The following ZGPAT variants were observed in gnomAD, a reference collection of about 807,000 sequenced individuals.
ZGPAT encodes the protein zinc finger CCCH-type with G patch domain-containing protein.
A neutral mutation model predicts 47.9 loss-of-function variants in ZGPAT; 39 were observed. That is an observed-to-expected ratio of 0.81 (90% CI 0.63 to 1.06). The LOEUF (loss-of-function observed/expected upper bound fraction) is 1.06. Among genes scored for constraint, ZGPAT ranks in the 50% least tolerant of loss-of-function variants. ZGPAT has a pLI of 0.00. For synonymous variants in ZGPAT, 348 were observed against 292.9 expected (o/e 1.19, Z -1.92); for missense variants, 717 against 681.4 (o/e 1.05, Z -0.58).
Position 63,735,349 on chromosome 20 carries a change from G to T in ZGPAT, c.1182G>T (p.Val394=). 1 of 1,550,800 alleles carries T rather than the reference G, an allele frequency of 6.4e-7. No homozygotes were observed. Among genetic ancestry groups the T allele is most frequent in the Middle Eastern group, 1.7e-4 (1 of 5,790 alleles). ...GGGGCCGCCCAGCTCCTCGGAATGT[G>T]TTTGACTTCCTCAATGAAAAGCTGC... The part of the protein sequence containing the change: ...RPGGRPAPRN[V]FDFLNEKLQG... The change falls in exon 6 of 7, where the codon GTG becomes GTT. Residue 394 remains valine (V), a synonymous_variant. Coordinates refer to ENST00000355969, the MANE Select transcript of ZGPAT (RefSeq NM_181485.3).
At chr20:63,718,794 C>T (rs749411473) in intron 2 of ZGPAT, among the ~76,000 whole-genome samples, 5 of 150,212 alleles carry the variant, frequency 3.3e-5, no homozygotes, top group Admixed American at 6.7e-5. Context: ...TGGCTGGGCA[C>T]GGTGGCTCAC....
At chr20:63,733,827 C>G in intron 4 of ZGPAT, 88 bp downstream of exon 4, 1 of 1,518,560 alleles carries the variant, frequency 6.6e-7, no homozygotes, top group Non-Finnish European at 8.8e-7. Context: ...ACCATCTAAC[C>G]AAACTATTGG....
chr20:63,708,598 G>C lies in ZGPAT; in HGVS notation c.18G>C (p.Leu6=). 1 of 1,603,940 alleles carries C rather than the reference G, an allele frequency of 6.2e-7. No individual in the cohort carries two copies. Residue 6 remains leucine (L), a synonymous_variant, in exon 2 of 7, where the codon CTG becomes CTC. Coordinates refer to ENST00000355969, the MANE Select transcript of ZGPAT (RefSeq NM_181485.3). MDEES[L]ESALQTYRAQ... The stretch of plus-strand genomic sequence containing the variant: ...CTCTCAGCATGGACGAGGAGAGCCT[G>C]GAGTCGGCCTTGCAGACCTACCGTG...
chr20:63,727,398 C>T (rs909482799), intron 2 of ZGPAT, among the ~76,000 whole-genome samples: 3 of 151,988 alleles, frequency 2.0e-5, no homozygotes, highest in African/African-American at 4.8e-5. Context: ...CATGACACCA[C>T]GCCTGGCTAA....
rs370638446 is a variant in ZGPAT at position 63,734,772 on chromosome 20, G to A, written c.939G>A (p.Thr313=). Residue 313 remains threonine (T), a synonymous_variant, in exon 5 of 7, where the codon ACG becomes ACA. Transcript: ENST00000355969. Reference sequence around the variant, plus strand: ...CCTTTGCTGGCTGGGAGGTGCACACGCGAGGTATAGGCTCCAGACTCCTCA... The same window carrying A: ...CCTTTGCTGGCTGGGAGGTGCACACACGAGGTATAGGCTCCAGACTCCTCA... ...SSAFAGWEVH[T]RGIGSRLLTK... 1.4e-5 allele frequency: 22 copies of A among 1,613,156 alleles called. No individual in the cohort carries two copies. Among genetic ancestry groups the A allele is most frequent in the African/African-American group, 1.3e-5 (1 of 74,918 alleles).
intron 2 of ZGPAT, among the ~76,000 whole-genome samples, chr20:63,728,642 G>A (rs1367083121): frequency 6.6e-6 from 1 of 152,194 alleles, no homozygotes; most frequent in Non-Finnish European, 1.5e-5. Context: ...TTAAGTATCT[G>A]GCTGGCCCAG....
At chr20:63,732,607 C>G (rs2091924800) in intron 2 of ZGPAT, among the ~76,000 whole-genome samples, 1 of 89,306 alleles carries the variant, frequency 1.1e-5, no homozygotes, top group South Asian at 5.6e-4. Context: ...ATACGCGTGT[C>G]AGGGTCTCTG....
chr20:63,711,503 T>C (rs951342944), intron 2 of ZGPAT, among the ~76,000 whole-genome samples: 1 of 152,098 alleles, frequency 6.6e-6, no homozygotes, highest in Non-Finnish European at 1.5e-5. Flanking sequence ...GCTTGCCATG[T>C]CGGCATCAGG....
intron 2 of ZGPAT, among the ~76,000 whole-genome samples, chr20:63,718,994 AGGT>A (rs1201129552): frequency 6.7e-6 from 1 of 149,894 alleles, no homozygotes; most frequent in Non-Finnish European, 1.5e-5. Flanking sequence ...TGAACCCGGG[AGGT>A]GGAGCTTGCA....
At chr20:63,712,355 G>A (rs2091677665) in intron 2 of ZGPAT, among the ~76,000 whole-genome samples, 1 of 152,100 alleles carries the variant, frequency 6.6e-6, no homozygotes. Context: ...CTGTTCCATT[G>A]GTGTATATGT....
At chr20:63,731,402 GGT>G (rs1214800839) in intron 2 of ZGPAT, among the ~76,000 whole-genome samples, 57 of 146,416 alleles carry the variant, frequency 3.9e-4, no homozygotes, top group African/African-American at 1.4e-3. Flanking sequence ...GTTGGCCCTT[GGT>G]GTGTGTGTAT....
intron 2 of ZGPAT, among the ~76,000 whole-genome samples, chr20:63,732,994 G>A (rs537870228): frequency 5.9e-5 from 9 of 151,554 alleles, no homozygotes; most frequent in South Asian, 4.2e-4. Flanking sequence ...CTGTATGTGC[G>A]TGTGTATATG....
chr20:63,724,779 T>A (rs2091826573), intron 2 of ZGPAT, among the ~76,000 whole-genome samples: 1 of 151,320 alleles, frequency 6.6e-6, no homozygotes, highest in Non-Finnish European at 1.5e-5. Flanking sequence ...GTTAGAGTGA[T>A]TTTCCTGCCT....
chr20:63,727,700 A>G (rs980383859), intron 2 of ZGPAT, among the ~76,000 whole-genome samples: 2 of 148,478 alleles, frequency 1.3e-5, no homozygotes, highest in African/African-American at 2.5e-5. Context: ...AGGATTCTCT[A>G]TTTCCTGAAT....
chr20:63,720,150 T>A lies in ZGPAT; in HGVS notation c.584+10986T>A, dbSNP rs537130537. Among the ~76,000 whole-genome samples, 71 of 152,002 alleles carry A rather than the reference T, an allele frequency of 4.7e-4. No homozygotes were observed. The South Asian group carries it at 0.01, about 22-fold the overall frequency. ...TATTAATTTCTTTATTTTTAAAAAA[T>A]TTTTTTTAATTTTCTTTTTTTTTTA... On this transcript the variant is annotated intron_variant, in intron 2 of 6. Coordinates refer to ENST00000355969, the MANE Select transcript of ZGPAT (RefSeq NM_181485.3).
rs888701496 is a variant in ZGPAT, at chr20:63,730,966, C to G, written c.585-2253C>G. Reference sequence around the variant, plus strand: ...TCTCTCTCTCTCTCTCTCTCTCTCTCTCTCTGTGTGTGTGTGTGTGTGTGT... The same window carrying G: ...TCTCTCTCTCTCTCTCTCTCTCTCTGTCTCTGTGTGTGTGTGTGTGTGTGT... On this transcript the variant is annotated intron_variant, in intron 2 of 6. Transcript: ENST00000355969. Among the ~76,000 whole-genome samples, 474 of 95,158 alleles carry G rather than the reference C, an allele frequency of 5.0e-3. 5 individuals carry two copies. The highest frequency in any genetic ancestry group is 0.023 in the African/African-American group (422 of 18,622). The allele number at this position is 95,158 out of a possible 152,430, so 62.4% of individuals were successfully genotyped here. A position where few individuals can be genotyped will look rare whatever the true frequency, so the allele number is the denominator to read the frequency against.
chr20:63,731,482 G>A (rs71325463), intron 2 of ZGPAT, among the ~76,000 whole-genome samples: 1,346 of 104,376 alleles, frequency 0.013, no homozygotes, highest in East Asian at 0.1. Context: ...ATGTGCATAC[G>A]TGTGTAAAGT....
intron 2 of ZGPAT, among the ~76,000 whole-genome samples, chr20:63,711,028 CT>C (rs34657783): frequency 0.19 from 26,728 of 139,610 alleles, 2,782 homozygotes; most frequent in East Asian, 0.58. Flanking sequence ...GAATGTCTTC[CT>C]TTTTTTTTTT....
At chr20:63,734,495 C>A in intron 4 of ZGPAT, 3 of 943,624 alleles carry the variant, frequency 3.2e-6, no homozygotes, top group Non-Finnish European at 4.7e-6. Context: ...GTGTCACATG[C>A]CCACAGCAGC....
Sources: allele counts gnomAD v4.1 joint callset (sites outside exome capture counted in the v4.1 genomes callset), GRCh38; gene constraint gnomAD v4.1.1; transcripts MANE v1.5; gene names NCBI Gene and HGNC (gene_info 2026-07-23, HGNC 2026-07-21).